HTR2B: variants seen among roughly 807,000 people sequenced by gnomAD.
HTR2B encodes 5-HT 2B receptor.
In HTR2B, 31 loss-of-function variants were observed where a neutral mutation model predicts 39.8. The ratio of observed to expected loss-of-function variants is 0.78; its 90% CI spans 0.58 to 1.05. The LOEUF (loss-of-function observed/expected upper bound fraction) is 1.05, where lower values mean the gene tolerates loss of function less well. HTR2B is among the 50% of genes least tolerant of loss of function. The pLI, the probability that HTR2B is intolerant of heterozygous loss-of-function variation, is 0.00. For missense variants in HTR2B, 562 were observed against 578.0 expected (o/e 0.97, Z 0.28); for synonymous variants, 210 against 207.1 (o/e 1.01, Z -0.12).
At chr2:231,114,930 T>C (rs773215729) in intron 2 of HTR2B, among the ~76,000 whole-genome samples, 4 of 152,174 alleles carry the variant, frequency 2.6e-5, no homozygotes, top group Non-Finnish European at 5.9e-5. Flanking sequence ...TTAACTCCTG[T>C]AGAGAACAGA....
intron 2 of HTR2B, 43 bp from the exon 3 acceptor site, chr2:231,113,972 TG>T: frequency 6.5e-7 from 1 of 1,543,822 alleles, no homozygotes; most frequent in Non-Finnish European, 8.9e-7. Context: ...TTCTATAAAA[TG>T]GCAACTTTCA....
chr2:231,113,920 C>T lies in HTR2B; in HGVS notation c.362G>A (p.Trp121Ter). Residue 121 changes from tryptophan to a stop codon, truncating the protein, a stop_gained, in exon 3 of 4, where the codon TGG becomes TAG. Coordinates refer to ENST00000258400, the MANE Select transcript of HTR2B (RefSeq NM_000867.5). LOFTEE classifies it high-confidence loss of function. ...ALLTIMFEAM[W>*]PLPLVLCPAW... ...AGGACATAGAACAAGTGGGAGGGGCCACATAGCCTCTGAAAGAAACAAAAA... is the reference window on the plus strand; with the variant it reads ...AGGACATAGAACAAGTGGGAGGGGCTACATAGCCTCTGAAAGAAACAAAAA... The T allele has an allele frequency of 1.9e-6, 3 of 1,613,752 alleles. No individual in the cohort carries two copies. Among genetic ancestry groups the T allele is most frequent in the Non-Finnish European group, 2.5e-6 (3 of 1,179,718 alleles).
intron 2 of HTR2B, among the ~76,000 whole-genome samples, chr2:231,115,859 T>C (rs900148229): frequency 1.3e-5 from 2 of 152,176 alleles, no homozygotes; most frequent in African/African-American, 4.8e-5. Context: ...GGGTCTCATC[T>C]CAGACCTACT....
At chr2:231,112,290 C>T (rs1695179844) in intron 3 of HTR2B, among the ~76,000 whole-genome samples, 1 of 152,182 alleles carries the variant, frequency 6.6e-6, no homozygotes, top group South Asian at 2.1e-4. Context: ...CATTGTCTCC[C>T]ATTCCCTTTC....
At chr2:231,120,046 G>T (rs946382457) in intron 2 of HTR2B, among the ~76,000 whole-genome samples, 1 of 151,236 alleles carries the variant, frequency 6.6e-6, no homozygotes, top group African/African-American at 2.4e-5. Context: ...CTGTCTTCCG[G>T]GTTCAAGCTA....
At chr2:231,109,692 CATTT>C (rs2125205971) in intron 3 of HTR2B, among the ~76,000 whole-genome samples, 1 of 152,300 alleles carries the variant, frequency 6.6e-6, no homozygotes, top group East Asian at 1.9e-4. Flanking sequence ...AGAATGTCTT[CATTT>C]ATTCTACATT....
At chr2:231,121,308 A>G (rs556756091) in intron 2 of HTR2B, among the ~76,000 whole-genome samples, 9 of 152,302 alleles carry the variant, frequency 5.9e-5, no homozygotes, top group African/African-American at 1.2e-4. Context: ...GCAGAGGATC[A>G]CTTGAACCCA....
chr2:231,120,904 A>G (rs1695518844), intron 2 of HTR2B, among the ~76,000 whole-genome samples: 2 of 152,342 alleles, frequency 1.3e-5, no homozygotes, highest in Non-Finnish European at 2.9e-5. Context: ...AGAAGTTCTT[A>G]TAAATGCATT....
rs146322368 is a variant in HTR2B, at chr2:231,112,204, A to T, written c.553+1525T>A. Among the ~76,000 whole-genome samples the T allele has an allele frequency of 1.2e-3, 187 of 152,186 alleles. 1 individual carries two copies. Among genetic ancestry groups the T allele is most frequent in the African/African-American group, 3.9e-3 (161 of 41,506 alleles). Reference sequence around the variant, plus strand: ...CCCTCTCCCTCATTGCAGTGAGCTTACCAAATGTGAGTCATCTGGCATAAA... The same window carrying T: ...CCCTCTCCCTCATTGCAGTGAGCTTTCCAAATGTGAGTCATCTGGCATAAA... On this transcript the variant is annotated intron_variant, in intron 3 of 3. Transcript: ENST00000258400.
chr2:231,123,319 A>T, intron 2 of HTR2B, 94 bp downstream of exon 2: 1 of 942,034 alleles, frequency 1.1e-6, no homozygotes, highest in Non-Finnish European at 1.7e-6. Context: ...TTCATCTTTT[A>T]TTTCAAGAAA....
Position 231,108,575 on chromosome 2 carries a change from G to GT in HTR2B, c.1387dup (p.Thr463AsnfsTer6). The GT allele has an allele frequency of 6.2e-7, 1 of 1,613,798 alleles. No homozygotes were observed. On this transcript the variant is annotated frameshift_variant, in exon 4 of 4. Transcript: ENST00000258400. LOFTEE classifies it high-confidence loss of function. The stretch of plus-strand genomic sequence containing the variant: ...ACCTTCATTTTCAGTGAGGAGAAGC[G>GT]TATCTAGTAGAATGATTGATGAAGA...
intron 2 of HTR2B, among the ~76,000 whole-genome samples, chr2:231,118,809 A>G (rs1029950068): frequency 6.6e-6 from 1 of 152,204 alleles, no homozygotes; most frequent in African/African-American, 2.4e-5. Context: ...GTAAAAGACT[A>G]TTTTTAAAGG....
intron 2 of HTR2B, among the ~76,000 whole-genome samples, chr2:231,117,455 A>G (rs1695381455): frequency 6.6e-6 from 1 of 152,120 alleles, no homozygotes; most frequent in Admixed American, 6.5e-5. Context: ...TTTCATTAAA[A>G]TTAAGAAAGA....
At chr2:231,112,163 C>G (rs1259656523) in intron 3 of HTR2B, among the ~76,000 whole-genome samples, 2 of 152,144 alleles carry the variant, frequency 1.3e-5, no homozygotes, top group Non-Finnish European at 2.9e-5. Context: ...ATACACATAC[C>G]TCACACTCTC....
intron 2 of HTR2B, among the ~76,000 whole-genome samples, chr2:231,118,458 A>G (rs1010632148): frequency 1.4e-4 from 21 of 152,338 alleles, no homozygotes; most frequent in African/African-American, 3.1e-4. Flanking sequence ...TTAACTTTCA[A>G]TTGAATTTGT....
chr2:231,112,094 G>A (rs141473825), intron 3 of HTR2B, among the ~76,000 whole-genome samples: 1 of 152,036 alleles, frequency 6.6e-6, no homozygotes, highest in African/African-American at 2.4e-5. Flanking sequence ...TATTCTTAAG[G>A]ATCCATTTCT....
At chr2:231,120,021 C>T (rs796820644) in intron 2 of HTR2B, among the ~76,000 whole-genome samples, 19 of 150,372 alleles carry the variant, frequency 1.3e-4, no homozygotes, top group African/African-American at 4.6e-4. Flanking sequence ...GGCACCATCT[C>T]GGCTCACTGC....
At chr2:231,110,667 A>G (rs1695127628) in intron 3 of HTR2B, among the ~76,000 whole-genome samples, 1 of 152,188 alleles carries the variant, frequency 6.6e-6, no homozygotes, top group South Asian at 2.1e-4. Context: ...ACTTTTCCTC[A>G]TGTACACCAC....
At chr2:231,115,603 A>T (rs931286847) in intron 2 of HTR2B, among the ~76,000 whole-genome samples, 1 of 152,082 alleles carries the variant, frequency 6.6e-6, no homozygotes, top group African/African-American at 2.4e-5. Flanking sequence ...TGGGGGTAGG[A>T]AGGGATAGAG....
Sources: allele counts gnomAD v4.1 joint callset (sites outside exome capture counted in the v4.1 genomes callset), GRCh38; gene constraint gnomAD v4.1.1; transcripts MANE v1.5; gene names NCBI Gene and HGNC (gene_info 2026-07-23, HGNC 2026-07-21).